APOBEC3F: variants seen among roughly 807,000 people sequenced by gnomAD.
APOBEC3F encodes the protein DNA dC->dU-editing enzyme APOBEC-3F.
Under a neutral mutation model 45.8 loss-of-function variants are expected in APOBEC3F, and 34 were observed. The observed-to-expected ratio is 0.74, with a 90% CI of 0.57 to 0.99. The LOEUF (loss-of-function observed/expected upper bound fraction) is 0.99. APOBEC3F is among the 50% of genes least tolerant of loss of function. APOBEC3F has a pLI of 0.00. For missense variants in APOBEC3F, 459 were observed against 474.1 expected (o/e 0.97, Z 0.30); for synonymous variants, 192 against 174.4 (o/e 1.10, Z -0.80).
chr22:39,043,633 A>G (rs1927044044), intron 2 of APOBEC3F, among the ~76,000 whole-genome samples: 1 of 151,866 alleles, frequency 6.6e-6, no homozygotes, highest in Admixed American at 6.6e-5. Context: ...AATTAATCCA[A>G]TGTGGCTAAC....
chr22:39,049,699 C>A, intron 5 of APOBEC3F, 118 bp downstream of exon 5: 102 of 826,634 alleles, frequency 1.2e-4, no homozygotes, highest in Non-Finnish European at 1.6e-4. Context: ...TCTTACATTT[C>A]TTTTTTTTTT....
chr22:39,044,619 C>T (rs1354875355), intron 2 of APOBEC3F, among the ~76,000 whole-genome samples: 2 of 152,126 alleles, frequency 1.3e-5, no homozygotes. Flanking sequence ...ATACTGCCCC[C>T]CCAGCTAGAG....
intron 4 of APOBEC3F, among the ~76,000 whole-genome samples, chr22:39,047,342 A>G (rs1172477532): frequency 1.3e-5 from 2 of 152,118 alleles, no homozygotes; most frequent in African/African-American, 2.4e-5. Flanking sequence ...TCCAGGTGAG[A>G]AAGCAGCATA....
chr22:39,042,125 C>T (rs1926935236), intron 1 of APOBEC3F, among the ~76,000 whole-genome samples: 3 of 152,168 alleles, frequency 2.0e-5, no homozygotes, highest in African/African-American at 2.4e-5. Flanking sequence ...GGGAATGGCC[C>T]GTGCGGGCCT....
chr22:39,055,183 G>A lies in APOBEC3F; in HGVS notation c.*2488G>A, dbSNP rs1260681766. Among the ~76,000 whole-genome samples the A allele has an allele frequency of 2.7e-5, 4 of 148,850 alleles. No homozygotes were observed. Among genetic ancestry groups the A allele is most frequent in the Middle Eastern group, 7.2e-3 (2 of 278 alleles). On this transcript the variant is annotated 3_prime_UTR_variant, in exon 7 of 7. Transcript: ENST00000308521. ...TGCCTTCCGAGTTCAAGCGATTCTC[G>A]TGCCTCAGCCTCCTGAGTAGCTGGG... is the stretch of plus-strand genomic sequence containing the variant.
chr22:39,053,657 G>GTTGAAATGGGTATGAAAT lies in APOBEC3F; in HGVS notation c.*976_*977insAAATTTGAAATGGGTATG, dbSNP rs1368600680. 1 of 152,192 alleles carries GTTGAAATGGGTATGAAAT rather than the reference G, an allele frequency of 6.6e-6. No homozygotes were observed. The highest frequency in any genetic ancestry group is 2.4e-5 in the African/African-American group (1 of 41,432). 9.4% of individuals were successfully genotyped at this position (152,192 alleles called of 1,614,324 possible). A position where few individuals can be genotyped will look rare whatever the true frequency, so the allele number is the denominator to read the frequency against. On this transcript the variant is annotated 3_prime_UTR_variant, in exon 7 of 7. Transcript: ENST00000308521. ...AAACTCAACCGAAATGGGTATGAAAGTTGAAATGGGTATGTAAGTTGAAAA... is the reference window on the plus strand; with the variant it reads ...AAACTCAACCGAAATGGGTATGAAAGTTGAAATGGGTATGAAATTTGAAATGGGTATGTAAGTTGAAAA...
At chr22:39,042,781 C>T (rs886887728) in intron 1 of APOBEC3F, among the ~76,000 whole-genome samples, 156 bp from the exon 2 acceptor site, 8 of 152,060 alleles carry the variant, frequency 5.3e-5, no homozygotes, top group Non-Finnish European at 7.4e-5. Context: ...GCTCTCTCCC[C>T]GGTCTTCCTG....
chr22:39,043,200 C>T, intron 2 of APOBEC3F, 110 bp downstream of exon 2: 4 of 1,383,082 alleles, frequency 2.9e-6, no homozygotes, highest in Non-Finnish European at 3.9e-6. Flanking sequence ...GTGTGTCCTT[C>T]TCTCCCACAC....
rs1256634344 is a variant in APOBEC3F, at chr22:39,055,077, C to T, written c.*2382C>T. 6.9e-6 allele frequency among the ~76,000 whole-genome samples: 1 copy of T among 144,220 alleles called. No homozygotes were observed. Among genetic ancestry groups the T allele is most frequent in the Non-Finnish European group, 1.5e-5 (1 of 66,394 alleles). The allele number at this position is 144,220 out of a possible 152,430, so 94.6% of individuals were successfully genotyped here. A position where few individuals can be genotyped will look rare whatever the true frequency, so the allele number is the denominator to read the frequency against. Reference sequence around the variant, plus strand: ...CTGGGGTCTCTCTGCTTCCAAATATCTTTTTTTTTTTTTTCAGACAGTTTT... The same window carrying T: ...CTGGGGTCTCTCTGCTTCCAAATATTTTTTTTTTTTTTTTCAGACAGTTTT... On this transcript the variant is annotated 3_prime_UTR_variant, in exon 7 of 7. Coordinates refer to ENST00000308521, the MANE Select transcript of APOBEC3F (RefSeq NM_145298.6).
intron 4 of APOBEC3F, 39 bp from the exon 5 acceptor site, chr22:39,049,386 G>C (rs1927372561): frequency 6.2e-7 from 1 of 1,607,142 alleles, no homozygotes; most frequent in Admixed American, 1.7e-5. Flanking sequence ...AGGAATCCAG[G>C]GGGGTCTCTG....
In APOBEC3F at chr22:39,049,482, C is replaced by G. The variant is rs369511676; in HGVS notation, c.624C>G (p.Arg208=). The stretch of plus-strand genomic sequence containing the variant: ...TCTACTTCCACTTTAAAAACCTACG[C>G]AAAGCCTATGGTCGGAACGAAAGCT... ...HIFYFHFKNL[R]KAYGRNESWL... Residue 208 remains arginine, a synonymous_variant, in exon 5 of 7, where the codon CGC becomes CGG. Coordinates refer to ENST00000308521, the MANE Select transcript of APOBEC3F (RefSeq NM_145298.6). The G allele has an allele frequency of 6.2e-6, 10 of 1,613,978 alleles. No individual in the cohort carries two copies. In the African/African-American group the frequency reaches 6.7e-5, roughly 11 times the overall value.
Position 39,051,926 on chromosome 22 carries a change from G to C in APOBEC3F, c.724-148G>C, listed in dbSNP as rs1364265028. The C allele has an allele frequency of 3.2e-6, 4 of 1,263,408 alleles. No individual in the cohort carries two copies. In the African/African-American group the frequency reaches 6.0e-5, roughly 19 times the overall value. The allele number at this position is 1,263,408 out of a possible 1,614,324, so 78.3% of individuals were successfully genotyped here. ...CCCCAGATCGCACCACTGCACCCCA[G>C]CCTGGGCAACAGGAGAGACCCTGTC... On this transcript the variant is annotated intron_variant, in intron 5 of 6. Coordinates refer to ENST00000308521, the MANE Select transcript of APOBEC3F (RefSeq NM_145298.6).
rs1489594039 is a variant in APOBEC3F at position 39,055,026 on chromosome 22, T to C, written c.*2331T>C. 1.3e-5 allele frequency among the ~76,000 whole-genome samples: 2 copies of C among 152,020 alleles called. No homozygotes were observed. Among genetic ancestry groups the C allele is most frequent in the African/African-American group, 2.4e-5 (1 of 41,406 alleles). On this transcript the variant is annotated 3_prime_UTR_variant, in exon 7 of 7. Coordinates refer to ENST00000308521, the MANE Select transcript of APOBEC3F (RefSeq NM_145298.6). Reference sequence around the variant, plus strand: ...CTTCTGGCTGTGTCCTCTGTGGCCTTTCCTCTATGAACCTGTACTGTACCT... The same window carrying C: ...CTTCTGGCTGTGTCCTCTGTGGCCTCTCCTCTATGAACCTGTACTGTACCT...
intron 4 of APOBEC3F, among the ~76,000 whole-genome samples, chr22:39,047,680 C>T (rs1280305363): frequency 3.3e-5 from 5 of 151,874 alleles, no homozygotes; most frequent in Non-Finnish European, 5.9e-5. Context: ...GCTATGTGGT[C>T]GCCCCTTTAC....
chr22:39,041,052 C>G lies in APOBEC3F; in HGVS notation c.17+75C>G, dbSNP rs36070309. 3.2e-6 allele frequency: 5 copies of G among 1,550,012 alleles called. No homozygotes were observed. The African/African-American group carries it at 6.8e-5, about 21-fold the overall frequency. On this transcript the variant is annotated intron_variant, in intron 1 of 6. Transcript: ENST00000308521. ...CTGGTGGCTCTGCTGGGCGTCAGCC[C>G]TGGCCTCCCCCTGCCCCAGCCCCAG... is the stretch of plus-strand genomic sequence containing the variant.
chr22:39,042,224 G>A (rs1262817647), intron 1 of APOBEC3F, among the ~76,000 whole-genome samples: 3 of 152,072 alleles, frequency 2.0e-5, no homozygotes, highest in African/African-American at 7.2e-5. Context: ...TTTAACAATA[G>A]TAATATACAG....
rs146543452 is a variant in APOBEC3F at position 39,045,028 on chromosome 22, A to C, written c.259A>C (p.Ile87Leu). 2.4e-4 allele frequency: 384 copies of C among 1,613,756 alleles called. No individual in the cohort carries two copies. In the African/African-American group the frequency reaches 4.2e-3, roughly 18 times the overall value. ...NQLPAYKCFQ[I>L]TWFVSWTPCP... ...GCTGCCTGCTTACAAGTGTTTCCAGATCACCTGGTTTGTATCCTGGACCCC... is the reference window on the plus strand; with the variant it reads ...GCTGCCTGCTTACAAGTGTTTCCAGCTCACCTGGTTTGTATCCTGGACCCC... The change falls in exon 3 of 7, where the codon ATC (isoleucine) becomes CTC (leucine). Residue 87 changes from isoleucine to leucine, a missense_variant. Coordinates refer to ENST00000308521, the MANE Select transcript of APOBEC3F (RefSeq NM_145298.6).
intron 1 of APOBEC3F, among the ~76,000 whole-genome samples, chr22:39,042,529 C>T (rs1441648470): frequency 6.6e-6 from 1 of 152,116 alleles, no homozygotes; most frequent in Non-Finnish European, 1.5e-5. Flanking sequence ...TGAGACTGGT[C>T]TCAAACTCCT....
intron 4 of APOBEC3F, 138 bp downstream of exon 4, chr22:39,045,680 C>A: frequency 1.4e-6 from 2 of 1,456,760 alleles, no homozygotes; most frequent in Non-Finnish European, 1.9e-6. Flanking sequence ...CACCCACACT[C>A]CTTGTGCTCC....
Sources: gnomAD v4.1 joint callset for allele counts (sites outside exome capture counted in the v4.1 genomes callset) on GRCh38, gnomAD v4.1.1 for gene constraint, MANE v1.5 for transcripts, NCBI Gene and HGNC (gene_info 2026-07-23, HGNC 2026-07-21) for gene names.